The following USH2A variants were observed in gnomAD, a reference collection of about 807,000 sequenced individuals.
The protein encoded by USH2A is Usher syndrome 2A (autosomal recessive, mild).
A neutral mutation model predicts 538.9 loss-of-function variants in USH2A; 443 were observed. The ratio of observed to expected loss-of-function variants is 0.82; its 90% confidence interval spans 0.76 to 0.89. USH2A has a LOEUF of 0.89. Among genes scored for constraint, USH2A ranks in the 40% least tolerant of loss-of-function variants. The pLI is 0.00. For synonymous variants in USH2A, 2,413 were observed against 2,273.5 expected, an observed-to-expected ratio of 1.06 and a Z score of -1.75; for missense variants, 6,633 against 6,324.8, an observed-to-expected ratio of 1.05 and a Z score of -1.65.
chr1:216,287,949 G>A (rs1168274413), intron 11 of USH2A, among the ~76,000 whole-genome samples: 1 of 152,076 alleles, frequency 6.6e-6, no homozygotes, highest in Non-Finnish European at 1.5e-5. Context: ...CTTATTGGGG[G>A]CTTTTTATAT....
intron 20 of USH2A, among the ~76,000 whole-genome samples, chr1:216,186,183 A>G (rs1450126395): frequency 6.6e-6 from 1 of 151,678 alleles, no homozygotes; most frequent in Non-Finnish European, 1.5e-5. Flanking sequence ...CAATTTTTTG[A>G]AGAATGAAAA....
At chr1:216,071,072 A>G (rs1412215865) in intron 29 of USH2A, among the ~76,000 whole-genome samples, 1 of 152,196 alleles carries the variant, frequency 6.6e-6, no homozygotes, top group East Asian at 1.9e-4. Flanking sequence ...TAAAAACTTC[A>G]TCACAGCTGA....
chr1:216,389,991 A>T (rs1429829510), intron 3 of USH2A, among the ~76,000 whole-genome samples: 4 of 135,922 alleles, frequency 2.9e-5, no homozygotes, highest in South Asian at 5.1e-4. Flanking sequence ...AGAGAAAAAT[A>T]AAAAAAACTG....
At chr1:215,901,732 A>G (rs996150568) in intron 38 of USH2A, among the ~76,000 whole-genome samples, 1 of 152,204 alleles carries the variant, frequency 6.6e-6, no homozygotes, top group East Asian at 1.9e-4. Flanking sequence ...TACTAAAAAA[A>G]GTTGATAAGA....
intron 64 of USH2A, among the ~76,000 whole-genome samples, chr1:215,661,466 G>C (rs1308833693): frequency 1.3e-5 from 2 of 151,940 alleles, no homozygotes; most frequent in East Asian, 3.9e-4. Flanking sequence ...CTACTCCCTG[G>C]GTACTTCAAC....
chr1:216,271,419 T>A (rs2036573871), intron 11 of USH2A, among the ~76,000 whole-genome samples: 1 of 152,126 alleles, frequency 6.6e-6, no homozygotes, highest in Admixed American at 6.6e-5. Flanking sequence ...GACTTGATGC[T>A]TGCCAAGCAA....
At chr1:216,280,077 C>G (rs1271747532) in intron 11 of USH2A, among the ~76,000 whole-genome samples, 1 of 151,556 alleles carries the variant, frequency 6.6e-6, no homozygotes, top group Non-Finnish European at 1.5e-5. Context: ...TGTCAAAGTA[C>G]AGAAGAGGCA....
At chr1:215,718,827 G>A (rs1659570182) in intron 61 of USH2A, among the ~76,000 whole-genome samples, 1 of 152,178 alleles carries the variant, frequency 6.6e-6, no homozygotes, top group Non-Finnish European at 1.5e-5. Flanking sequence ...GCCCTTCACT[G>A]CCATTTACAG....
chr1:215,974,216 C>A (rs1426087367), intron 35 of USH2A, among the ~76,000 whole-genome samples: 2 of 152,124 alleles, frequency 1.3e-5, no homozygotes, highest in African/African-American at 4.8e-5. Flanking sequence ...ACAATTTTAA[C>A]TTCATTGACC....
intron 40 of USH2A, among the ~76,000 whole-genome samples, chr1:215,897,759 G>A (rs1406673439): frequency 1.3e-5 from 2 of 151,802 alleles, no homozygotes; most frequent in Admixed American, 6.6e-5. Context: ...AAGAGAGTGA[G>A]AAAGAAAGAA....
intron 26 of USH2A, among the ~76,000 whole-genome samples, chr1:216,082,462 T>C (rs1225932197): frequency 7.5e-6 from 1 of 132,614 alleles, no homozygotes; most frequent in Admixed American, 7.7e-5. Flanking sequence ...CTAGGAATGT[T>C]AAAAAAAAAA....
In USH2A at chr1:215,671,292, A is replaced by T; in HGVS notation, c.13813T>A (p.Tyr4605Asn). The T allele has an allele frequency of 6.2e-7, 1 of 1,613,946 alleles. No homozygotes were observed. Among genetic ancestry groups the T allele is most frequent in the Non-Finnish European group, 8.5e-7 (1 of 1,179,984 alleles). The change falls in exon 64 of 72, where the codon TAT becomes AAT. Residue 4605 changes from tyrosine to asparagine, a missense_variant and splice_region_variant. Transcript: ENST00000307340. The stretch of plus-strand genomic sequence containing the variant: ...GTGCACGCTTGAATTCGTATTTCAT[A>T]CCTTCAGGACATAAGGCAGAAATTA... ...IVNQLKPFHRYEIRIQACTTL... is the reference protein window; with the variant it reads ...IVNQLKPFHRNEIRIQACTTL...
At chr1:215,880,755 C>T (rs1278230485) in intron 41 of USH2A, among the ~76,000 whole-genome samples, 1 of 152,174 alleles carries the variant, frequency 6.6e-6, no homozygotes, top group Non-Finnish European at 1.5e-5. Flanking sequence ...GGCTTTCTTG[C>T]CTCTTAGACC....
intron 51 of USH2A, 45 bp from the exon 52 acceptor site, chr1:215,786,919 T>C: frequency 6.3e-7 from 1 of 1,593,204 alleles, no homozygotes; most frequent in Non-Finnish European, 8.6e-7. Context: ...TATTTAAAAA[T>C]TTCATTTAGA....
chr1:215,716,621 T>C (rs559508431), intron 61 of USH2A, among the ~76,000 whole-genome samples: 4 of 152,338 alleles, frequency 2.6e-5, no homozygotes, highest in African/African-American at 9.6e-5. Context: ...TATACTGTAA[T>C]TTTACTATCT....
intron 61 of USH2A, among the ~76,000 whole-genome samples, chr1:215,687,613 T>A (rs972945556): frequency 3.3e-5 from 5 of 152,076 alleles, no homozygotes; most frequent in Non-Finnish European, 7.4e-5. Flanking sequence ...AAAATTAAAT[T>A]TGTGATAATT....
intron 19 of USH2A, 131 bp from the exon 20 acceptor site, chr1:216,190,498 GT>G (rs746805392): frequency 0.018 from 16,443 of 930,100 alleles, 2 homozygotes; most frequent in East Asian, 0.035. Context: ...TAGGAAAAGG[GT>G]TTTTTTTTTT....
chr1:216,097,036 A>G, intron 22 of USH2A, 47 bp downstream of exon 22: 1 of 1,541,452 alleles, frequency 6.5e-7, no homozygotes, highest in East Asian at 2.4e-5. Context: ...AGTACCAGGC[A>G]CCTACTAAAT....
At chr1:215,881,014 G>A (rs1354152952) in intron 41 of USH2A, among the ~76,000 whole-genome samples, 1 of 152,208 alleles carries the variant, frequency 6.6e-6, no homozygotes, top group Non-Finnish European at 1.5e-5. Context: ...GCTGAGGCAG[G>A]AGAGTTGCTT....
Sources: allele counts gnomAD v4.1 joint callset (sites outside exome capture counted in the v4.1 genomes callset), GRCh38; gene constraint gnomAD v4.1.1; transcripts MANE v1.5; gene names NCBI Gene and HGNC (gene_info 2026-07-23, HGNC 2026-07-21).